Variants in C1orf52 observed in about 807,000 individuals in gnomAD.
The protein encoded by C1orf52 is chromosome 1 open reading frame 52, also known as UPF0690 protein C1orf52.
C1orf52 carries 5 observed loss-of-function variants against 17.2 expected under a neutral mutation model. The observed-to-expected ratio is 0.29, with a 90% CI of 0.15 to 0.61. The LOEUF (loss-of-function observed/expected upper bound fraction) is 0.61. C1orf52 is among the 20% of genes least tolerant of loss of function. The pLI is 0.85. For synonymous variants in C1orf52, 110 were observed against 88.0 expected, an observed-to-expected ratio of 1.25 and a Z score of -1.40; for missense variants, 245 against 234.1, an observed-to-expected ratio of 1.05 and a Z score of -0.30.
intron 2 of C1orf52, among the ~76,000 whole-genome samples, chr1:85,256,837 T>C (rs935166157): frequency 7.7e-6 from 1 of 130,132 alleles, no homozygotes; most frequent in African/African-American, 2.9e-5. Flanking sequence ...AACAAAAAGA[T>C]TGTACAATAT....
chr1:85,259,588 C>T lies in C1orf52; in HGVS notation c.46G>A (p.Gly16Arg). 1.3e-6 allele frequency: 2 copies of T among 1,595,882 alleles called. No homozygotes were observed. Among genetic ancestry groups the T allele is most frequent in the Admixed American group, 1.8e-5 (1 of 56,154 alleles). Residue 16 changes from glycine to arginine, a missense_variant, in exon 1 of 3, where the codon GGG becomes AGG. Gly to Arg is a moderately radical substitution (Grantham distance 125). Transcript: ENST00000471115. ...KDPLSYFAAYGSSSSGSSDEE... is the reference protein window; with the variant it reads ...KDPLSYFAAYRSSSSGSSDEE... ...TCCGAGGAGCCTGAGCTGCTGCTCC[C>T]GTATGCCGCAAAATAGCTCAGAGGG...
In C1orf52 at chr1:85,259,595, C is replaced by A; in HGVS notation, c.39G>T (p.Ala13=). Reference sequence around the variant, plus strand: ...AGCCTGAGCTGCTGCTCCCGTATGCCGCAAAATAGCTCAGAGGGTCCTTCT... The same window carrying A: ...AGCCTGAGCTGCTGCTCCCGTATGCAGCAAAATAGCTCAGAGGGTCCTTCT... ...AEEKDPLSYF[A]AYGSSSSGSS... is the part of the protein sequence containing the mutation. The change falls in exon 1 of 3, where the codon GCG becomes GCT. Residue 13 remains alanine (A), a synonymous_variant. Transcript: ENST00000471115. 6.3e-7 allele frequency: 1 copy of A among 1,588,628 alleles called. No individual in the cohort carries two copies.
At position 85,252,296 on chromosome 1, in the gene C1orf52, T is replaced by C. The variant is rs938813836; in HGVS notation, c.*333A>G. The C allele has an allele frequency of 1.5e-5, 4 of 260,838 alleles. No individual in the cohort carries two copies. Among genetic ancestry groups the C allele is most frequent in the African/African-American group, 9.2e-5 (4 of 43,684 alleles). The allele number at this position is 260,838 out of a possible 1,614,324, so 16.2% of individuals were successfully genotyped here. On this transcript the variant is annotated 3_prime_UTR_variant, in exon 3 of 3. Coordinates refer to ENST00000471115, the MANE Select transcript of C1orf52 (RefSeq NM_198077.4). Reference sequence around the variant, plus strand: ...ACAGTACATTACAATATATTTACTTTAAAAATATATTCCTTTATAAAAGGT... The same window carrying C: ...ACAGTACATTACAATATATTTACTTCAAAAATATATTCCTTTATAAAAGGT...
intron 2 of C1orf52, among the ~76,000 whole-genome samples, chr1:85,255,690 T>TA (rs1442634370): frequency 6.6e-6 from 1 of 151,500 alleles, no homozygotes; most frequent in African/African-American, 2.4e-5. Context: ...GGAAGCAAAA[T>TA]AAAAAAGTCA....
chr1:85,259,165 G>C, intron 1 of C1orf52, 193 bp downstream of exon 1: 1 of 1,131,628 alleles, frequency 8.8e-7, no homozygotes. Flanking sequence ...GCGGGGCTGC[G>C]GGTCCGGTCT....
At chr1:85,256,363 G>T (rs1468278672) in intron 2 of C1orf52, among the ~76,000 whole-genome samples, 2 of 152,208 alleles carry the variant, frequency 1.3e-5, no homozygotes, top group Non-Finnish European at 2.9e-5. Context: ...AGAAAACTGT[G>T]TGAAAGTGCC....
chr1:85,255,247 T>G (rs1437686954), intron 2 of C1orf52, among the ~76,000 whole-genome samples: 1 of 152,142 alleles, frequency 6.6e-6, no homozygotes, highest in Admixed American at 6.5e-5. Context: ...TACCTACATT[T>G]TACAACCACT....
chr1:85,254,954 T>C (rs1659895142), intron 2 of C1orf52, among the ~76,000 whole-genome samples: 1 of 152,244 alleles, frequency 6.6e-6, no homozygotes, highest in South Asian at 2.1e-4. Flanking sequence ...TCTAGTGTCA[T>C]GACAAGGCAT....
At chr1:85,256,798 C>CAAAAA (rs1159075154) in intron 2 of C1orf52, among the ~76,000 whole-genome samples, 357 of 92,504 alleles carry the variant, frequency 3.9e-3, no homozygotes, top group Middle Eastern at 6.0e-3. Flanking sequence ...GACTCCGCCT[C>CAAAAA]AAAAAAAAAA....
Position 85,259,619 on chromosome 1 carries a change from C to T in C1orf52, c.15G>A (p.Glu5=), listed in dbSNP as rs145964018. 56 of 1,562,324 alleles carry T rather than the reference C, an allele frequency of 3.6e-5. No homozygotes were observed. In the African/African-American group the frequency reaches 7.2e-4, roughly 20 times the overall value. MAAE[E]KDPLSYFAAY... ...CCGCAAAATAGCTCAGAGGGTCCTT[C>T]TCCTCCGCTGCCATGACGGCTGCGA... Residue 5 remains glutamate (E), a synonymous_variant, in exon 1 of 3, where the codon GAG becomes GAA. Transcript: ENST00000471115.
chr1:85,256,983 G>T (rs1570319711), intron 2 of C1orf52, among the ~76,000 whole-genome samples: 1 of 152,252 alleles, frequency 6.6e-6, no homozygotes, highest in South Asian at 2.1e-4. Flanking sequence ...CAAAATTAAA[G>T]AAAGAACTGC....
At chr1:85,258,042 C>G (rs141855690) in intron 2 of C1orf52, among the ~76,000 whole-genome samples, 1 of 151,826 alleles carries the variant, frequency 6.6e-6, no homozygotes, top group Admixed American at 6.6e-5. Flanking sequence ...TCGCTTGAAC[C>G]TGGGAGGTGG....
At chr1:85,252,818 C>T (rs986174634) in intron 2 of C1orf52, 116 bp from the exon 3 acceptor site, 2 of 665,340 alleles carry the variant, frequency 3.0e-6, no homozygotes, top group Admixed American at 3.2e-5. Flanking sequence ...TAATGTTTCT[C>T]TCAGAGTTTC....
At chr1:85,255,436 G>C (rs1433819360) in intron 2 of C1orf52, among the ~76,000 whole-genome samples, 1 of 151,990 alleles carries the variant, frequency 6.6e-6, no homozygotes, top group Non-Finnish European at 1.5e-5. Context: ...TGTAGTCCCA[G>C]CTACTTGGCA....
At chr1:85,254,683 AC>A (rs1446846685) in intron 2 of C1orf52, among the ~76,000 whole-genome samples, 1 of 152,058 alleles carries the variant, frequency 6.6e-6, no homozygotes, top group Non-Finnish European at 1.5e-5. Context: ...GAGCCACCGC[AC>A]CCGGCACCTT....
intron 2 of C1orf52, among the ~76,000 whole-genome samples, chr1:85,257,893 G>A (rs1190639202): frequency 6.6e-6 from 1 of 152,050 alleles, no homozygotes; most frequent in Non-Finnish European, 1.5e-5. Context: ...ATCACCTGAG[G>A]TCAGGAGTTC....
At chr1:85,255,248 T>C (rs1043741694) in intron 2 of C1orf52, among the ~76,000 whole-genome samples, 1 of 152,200 alleles carries the variant, frequency 6.6e-6, no homozygotes, top group Non-Finnish European at 1.5e-5. Context: ...ACCTACATTT[T>C]ACAACCACTA....
chr1:85,258,784 C>G, intron 1 of C1orf52, 62 bp from the exon 2 acceptor site: 1 of 1,464,372 alleles, frequency 6.8e-7, no homozygotes, highest in South Asian at 1.3e-5. Flanking sequence ...TGGACGTGGG[C>G]ACATGCAACT....
At chr1:85,256,087 A>G (rs1659930163) in intron 2 of C1orf52, among the ~76,000 whole-genome samples, 1 of 152,198 alleles carries the variant, frequency 6.6e-6, no homozygotes, top group South Asian at 2.1e-4. Context: ...TATCAACCCT[A>G]GTATCTTTAC....
Sources: allele counts gnomAD v4.1 joint callset (sites outside exome capture counted in the v4.1 genomes callset), GRCh38; gene constraint gnomAD v4.1.1; transcripts MANE v1.5; gene names NCBI Gene and HGNC (gene_info 2026-07-23, HGNC 2026-07-21).